RTN4RL2: variants seen among roughly 807,000 people sequenced by gnomAD.
RTN4RL2 encodes the protein reticulon-4 receptor-like 2.
Under a neutral mutation model 27.8 loss-of-function variants are expected in RTN4RL2, and 9 were observed. The observed-to-expected ratio is 0.32, with a 90% CI of 0.20 to 0.57. The LOEUF (loss-of-function observed/expected upper bound fraction) is 0.57. Among genes scored for constraint, RTN4RL2 ranks in the 20% least tolerant of loss-of-function variants. The pLI is 0.90. For synonymous variants in RTN4RL2, 285 were observed against 297.9 expected, an observed-to-expected ratio of 0.96 and a Z score of 0.45; for missense variants, 436 against 596.8, an observed-to-expected ratio of 0.73 and a Z score of 2.81.
chr11:57,461,301 G>A (rs561373262), intron 1 of RTN4RL2, among the ~76,000 whole-genome samples: 1 of 152,274 alleles, frequency 6.6e-6, no homozygotes, highest in South Asian at 2.1e-4. Flanking sequence ...GGAGATGTGG[G>A]TAGGGGGCTG....
At position 57,476,800 on chromosome 11, in the gene RTN4RL2, G is replaced by T; in HGVS notation, c.1152G>T (p.Met384Ile). ...YGGEDQRGEQ[M>I]CPGAACQAPP... is the part of the protein sequence containing the mutation. ...GTGAGGACCAGCGAGGGGAGCAGATGTGCCCCGGCGCTGCCTGCCAGGCGC... is the reference window on the plus strand; with the variant it reads ...GTGAGGACCAGCGAGGGGAGCAGATTTGCCCCGGCGCTGCCTGCCAGGCGC... The change falls in exon 3 of 3, where the codon ATG (methionine) becomes ATT (isoleucine). Residue 384 changes from methionine to isoleucine, a missense_variant. By Grantham distance (10) the Met-to-Ile change is conservative. This residue lies in a region of RTN4RL2 where 60 missense variants were observed against 43.0 expected (regional missense o/e 1.40). Coordinates refer to ENST00000335099, the MANE Select transcript of RTN4RL2 (RefSeq NM_178570.3). This position sits in a 1 kb window ranked among gnomAD's most constrained non-coding sequence, Gnocchi z 8.2. 2 of 1,533,730 alleles carry T rather than the reference G, an allele frequency of 1.3e-6. No homozygotes were observed. Among genetic ancestry groups the T allele is most frequent in the Non-Finnish European group, 1.7e-6 (2 of 1,146,982 alleles).
intron 2 of RTN4RL2, chr11:57,468,502 G>A (rs1459051811): frequency 2.4e-5 from 35 of 1,442,352 alleles, no homozygotes; most frequent in African/African-American, 4.2e-5. Context: ...CTGCGTGTGT[G>A]TATCTGTCTC....
Position 57,467,458 on chromosome 11 carries a change from C to A in RTN4RL2, c.32-151C>A. 2.3e-6 allele frequency: 3 copies of A among 1,321,122 alleles called. No homozygotes were observed. The highest frequency in any genetic ancestry group is 3.1e-6 in the Non-Finnish European group (3 of 971,238). 81.8% of individuals were successfully genotyped at this position (1,321,122 alleles called of 1,614,324 possible). ...CAAACTCCTGGCCTCAAGCAATCCTCCTGCCTTGGCCTCCCAAAGTGCTGG... is the reference window on the plus strand; with the variant it reads ...CAAACTCCTGGCCTCAAGCAATCCTACTGCCTTGGCCTCCCAAAGTGCTGG... On this transcript the variant is annotated intron_variant, in intron 1 of 2. Transcript: ENST00000335099. The surrounding 1 kb of genome is among the most constrained non-coding windows in gnomAD (Gnocchi z 5.5).
intron 2 of RTN4RL2, chr11:57,468,572 C>A: frequency 6.5e-7 from 1 of 1,536,692 alleles, no homozygotes; most frequent in Non-Finnish European, 8.7e-7. Context: ...GGTCCCCTGC[C>A]CAAAGGCCTT....
intron 1 of RTN4RL2, among the ~76,000 whole-genome samples, chr11:57,464,883 G>A (rs985501956): frequency 6.6e-6 from 1 of 152,164 alleles, no homozygotes; most frequent in African/African-American, 2.4e-5. Context: ...ATCGTGAAAC[G>A]CCGCACGGGG....
intron 2 of RTN4RL2, among the ~76,000 whole-genome samples, chr11:57,474,949 G>T (rs983234036): frequency 6.6e-6 from 1 of 152,178 alleles, no homozygotes; most frequent in Non-Finnish European, 1.5e-5. Context: ...ATGCAATGTG[G>T]CTTCCTTCCT....
chr11:57,466,654 G>A (rs1256270604), intron 1 of RTN4RL2, among the ~76,000 whole-genome samples: 1 of 152,152 alleles, frequency 6.6e-6, no homozygotes, highest in East Asian at 1.9e-4. Context: ...CTCTGCAAGG[G>A]CGAAAAGTAC....
At position 57,468,803 on chromosome 11, in the gene RTN4RL2, A is replaced by C. The variant is rs750725301; in HGVS notation, c.513+713A>C. The stretch of plus-strand genomic sequence containing the variant: ...AGAAAAGGGTAAATCTCTGTTATGC[A>C]GCTGGAGAATGGATGCTCTGAAAAT... On this transcript the variant is annotated intron_variant, in intron 2 of 2. Transcript: ENST00000335099. The C allele has an allele frequency of 1.6e-4, 227 of 1,410,250 alleles. 5 individuals carry two copies. In the Middle Eastern group the frequency reaches 4.7e-3, roughly 29 times the overall value. The allele number at this position is 1,410,250 out of a possible 1,614,324, so 87.4% of individuals were successfully genotyped here.
intron 2 of RTN4RL2, among the ~76,000 whole-genome samples, chr11:57,475,953 G>C (rs1943592495): frequency 6.6e-6 from 1 of 152,162 alleles, no homozygotes; most frequent in East Asian, 1.9e-4. Context: ...GAAAGTTTAG[G>C]AACCACTGAC....
chr11:57,476,794 G>C lies in RTN4RL2; in HGVS notation c.1146G>C (p.Glu382Asp), dbSNP rs1943599654. ...GGYGGEDQRG[E>D]QMCPGAACQA... ...ACGGGGGTGAGGACCAGCGAGGGGAGCAGATGTGCCCCGGCGCTGCCTGCC... is the reference window on the plus strand; with the variant it reads ...ACGGGGGTGAGGACCAGCGAGGGGACCAGATGTGCCCCGGCGCTGCCTGCC... The change falls in exon 3 of 3, where the codon GAG becomes GAC. Residue 382 changes from glutamate to aspartate, a missense_variant. By Grantham distance (45) the Glu-to-Asp change is conservative (BLOSUM62 2). Coordinates refer to ENST00000335099, the MANE Select transcript of RTN4RL2 (RefSeq NM_178570.3). This position sits in a 1 kb window ranked among gnomAD's most constrained non-coding sequence, Gnocchi z 8.2. The C allele has an allele frequency of 6.6e-7, 1 of 1,522,288 alleles. No homozygotes were observed. 94.3% of individuals were successfully genotyped at this position (1,522,288 alleles called of 1,614,324 possible).
intron 2 of RTN4RL2, among the ~76,000 whole-genome samples, chr11:57,471,105 A>T (rs2135121480): frequency 6.6e-6 from 1 of 152,146 alleles, no homozygotes; most frequent in East Asian, 1.9e-4. Context: ...GCGGGGTGGC[A>T]GGTGTCTGTA....
chr11:57,476,106 C>G lies in RTN4RL2; in HGVS notation c.514-56C>G, dbSNP rs543637802. ...CCCCCGGCCAAGGCCCCAGCGGGGT[C>G]TGCACCCTACCTCAGGCCCATTCTC... On this transcript the variant is annotated intron_variant, in intron 2 of 2. Coordinates refer to ENST00000335099, the MANE Select transcript of RTN4RL2 (RefSeq NM_178570.3). The surrounding 1 kb of genome is among the most constrained non-coding windows in gnomAD (Gnocchi z 8.2). 1.2e-5 allele frequency: 19 copies of G among 1,542,550 alleles called. No individual in the cohort carries two copies. In the African/African-American group the frequency reaches 1.6e-4, roughly 13 times the overall value.
chr11:57,470,882 T>C (rs1327149735), intron 2 of RTN4RL2, among the ~76,000 whole-genome samples: 1 of 152,120 alleles, frequency 6.6e-6, no homozygotes, highest in Non-Finnish European at 1.5e-5. Context: ...CTGGGAATAA[T>C]GAAAATAATA....
chr11:57,464,918 G>A (rs972979281), intron 1 of RTN4RL2, among the ~76,000 whole-genome samples: 5 of 152,208 alleles, frequency 3.3e-5, no homozygotes, highest in African/African-American at 9.7e-5. Context: ...GCCGAGAAAC[G>A]CGGAGGTGGT....
chr11:57,464,676 T>C (rs1362034946), intron 1 of RTN4RL2, among the ~76,000 whole-genome samples: 1 of 152,150 alleles, frequency 6.6e-6, no homozygotes, highest in Non-Finnish European at 1.5e-5. Context: ...GTAGAACTGA[T>C]GCTTGAACCA....
Position 57,460,880 on chromosome 11 carries a change from C to G in RTN4RL2, c.15C>G (p.Leu5=), listed in dbSNP as rs1473011294. The change falls in exon 1 of 3, where the codon CTC becomes CTG. Residue 5 remains leucine (L), a synonymous_variant. Transcript: ENST00000335099. The part of the protein sequence containing the change: MLPG[L]RRLLQAPASA... ...ATCGAGACAAGATGCTGCCCGGGCTCAGGCGCCTGCTGCAAGGTAAGAACG... is the reference window on the plus strand; with the variant it reads ...ATCGAGACAAGATGCTGCCCGGGCTGAGGCGCCTGCTGCAAGGTAAGAACG... 7.1e-7 allele frequency: 1 copy of G among 1,407,772 alleles called. No homozygotes were observed. The highest frequency in any genetic ancestry group is 9.4e-7 in the Non-Finnish European group (1 of 1,067,374). The allele number at this position is 1,407,772 out of a possible 1,614,324, so 87.2% of individuals were successfully genotyped here.
At chr11:57,461,451 GGGGTCA>G in intron 1 of RTN4RL2, among the ~76,000 whole-genome samples, 1 of 151,348 alleles carries the variant, frequency 6.6e-6, no homozygotes, top group Admixed American at 6.6e-5. Flanking sequence ...GGGGTGGGGA[GGGGTCA>G]GGGGGAGAGG....
rs1943477047 is a variant in RTN4RL2 at position 57,460,786 on chromosome 11, C to T, written c.-80C>T. 1 of 798,054 alleles carries T rather than the reference C, an allele frequency of 1.3e-6. No homozygotes were observed. The highest frequency in any genetic ancestry group is 3.4e-5 in the East Asian group (1 of 29,490). 49.4% of individuals were successfully genotyped at this position (798,054 alleles called of 1,614,324 possible). A position where few individuals can be genotyped will look rare whatever the true frequency, so the allele number is the denominator to read the frequency against. On this transcript the variant is annotated 5_prime_UTR_variant, in exon 1 of 3. Coordinates refer to ENST00000335099, the MANE Select transcript of RTN4RL2 (RefSeq NM_178570.3). ...GCCCTCCCGGAGCCCCGCGGGGTCCCCGCCGTGCATCCGGCGGGCTCAGGG... is the reference window on the plus strand; with the variant it reads ...GCCCTCCCGGAGCCCCGCGGGGTCCTCGCCGTGCATCCGGCGGGCTCAGGG...
chr11:57,476,557 C>G lies in RTN4RL2; in HGVS notation c.909C>G (p.Arg303=). 1.4e-6 allele frequency: 2 copies of G among 1,400,012 alleles called. No individual in the cohort carries two copies. Among genetic ancestry groups the G allele is most frequent in the Non-Finnish European group, 1.8e-6 (2 of 1,085,720 alleles). The allele number at this position is 1,400,012 out of a possible 1,614,324, so 86.7% of individuals were successfully genotyped here. The change falls in exon 3 of 3, where the codon CGC becomes CGG. Residue 303 remains arginine, a synonymous_variant. Transcript: ENST00000335099. The surrounding 1 kb of genome is among the most constrained non-coding windows in gnomAD (Gnocchi z 8.2). ...AGGGCCGAGACCTGCGCGCGCTCCG[C>G]GAGGCCGACTTCCAGGCGTGTCCGC... The part of the protein sequence containing the change: ...ERQGRDLRAL[R]EADFQACPPA...
Sources: gnomAD v4.1 joint callset for allele counts (sites outside exome capture counted in the v4.1 genomes callset) on GRCh38, gnomAD v4.1.1 for gene constraint, gnomAD v4.1.1 regional missense constraint, Gnocchi (gnomAD v3.1) non-coding constraint, MANE v1.5 for transcripts, NCBI Gene and HGNC (gene_info 2026-07-23, HGNC 2026-07-21) for gene names.